MFNG: variants seen among roughly 807,000 people sequenced by gnomAD.
MFNG encodes the protein beta-1,3-N-acetylglucosaminyltransferase manic fringe.
A neutral mutation model predicts 34.2 loss-of-function variants in MFNG; 24 were observed. The ratio of observed to expected loss-of-function variants is 0.70; its 90% CI spans 0.51 to 0.99. The LOEUF is 0.99. Ranked by LOEUF, MFNG falls within the 50% of genes least tolerant of loss-of-function variation. The pLI is 0.00. For missense variants in MFNG, 383 were observed against 424.0 expected (o/e 0.90, Z 0.85); for synonymous variants, 158 against 179.2 (o/e 0.88, Z 0.94).
At position 37,469,714 on chromosome 22, in the gene MFNG, A is replaced by G. The variant is rs963202499; in HGVS notation, c.*249T>C. 2.3e-5 allele frequency: 14 copies of G among 616,152 alleles called. No individual in the cohort carries two copies. The highest frequency in any genetic ancestry group is 4.3e-5 in the Non-Finnish European group (14 of 328,682). 38.2% of individuals were successfully genotyped at this position (616,152 alleles called of 1,614,324 possible). A position where few individuals can be genotyped will look rare whatever the true frequency, so the allele number is the denominator to read the frequency against. ...CTTTTTCAATTCAGCCTCCTGAGGGAGTCTAGCCCCTGGAGCCTCTCTGGC... is the reference window on the plus strand; with the variant it reads ...CTTTTTCAATTCAGCCTCCTGAGGGGGTCTAGCCCCTGGAGCCTCTCTGGC... On this transcript the variant is annotated 3_prime_UTR_variant, in exon 8 of 8. Transcript: ENST00000356998.
chr22:37,485,037 C>T lies in MFNG; in HGVS notation c.255+886G>A, dbSNP rs1418240296. Among the ~76,000 whole-genome samples the T allele has an allele frequency of 2.0e-5, 3 of 151,940 alleles. No individual in the cohort carries two copies. The highest frequency in any genetic ancestry group is 2.9e-5 in the Non-Finnish European group (2 of 67,998). On this transcript the variant is annotated intron_variant, in intron 1 of 7. Transcript: ENST00000356998. This position sits in a 1 kb window ranked among gnomAD's most constrained non-coding sequence, Gnocchi z 5.3. The stretch of plus-strand genomic sequence containing the variant: ...CTCCCCCATCAACGGTCCCTAACAC[C>T]GACATCACTAACTTTGCTTAAGGAA...
At chr22:37,480,645 G>A in intron 2 of MFNG, 76 bp downstream of exon 2, 5 of 1,426,262 alleles carry the variant, frequency 3.5e-6, no homozygotes, top group Non-Finnish European at 4.9e-6. Context: ...GGAACCCTCA[G>A]GCCAGGGCAC....
chr22:37,472,044 A>C (rs1048124178), intron 7 of MFNG, among the ~76,000 whole-genome samples: 5 of 152,028 alleles, frequency 3.3e-5, no homozygotes, highest in Admixed American at 2.0e-4. Context: ...GTATCAAAGA[A>C]ACAAGGAGTC....
At chr22:37,476,016 T>A (rs1922021333) in intron 5 of MFNG, among the ~76,000 whole-genome samples, 1 of 152,190 alleles carries the variant, frequency 6.6e-6, no homozygotes. Context: ...TGAGTGACCT[T>A]GAACCTGGCT....
chr22:37,480,316 G>T lies in MFNG; in HGVS notation c.305-17C>A, dbSNP rs756721909. 1.2e-6 allele frequency: 2 copies of T among 1,604,318 alleles called. No individual in the cohort carries two copies. The highest frequency in any genetic ancestry group is 2.2e-5 in the East Asian group (1 of 44,764). ...GGTGGGACCCTGGAGAAGTGAGGAG[G>T]AGTCAGGGGACCCTGCCCAGGTCCC... On this transcript the variant is annotated splice_polypyrimidine_tract_variant and intron_variant, in intron 2 of 7. Transcript: ENST00000356998.
chr22:37,479,282 C>G, intron 4 of MFNG, 63 bp downstream of exon 4: 1 of 1,480,528 alleles, frequency 6.8e-7, no homozygotes, highest in Non-Finnish European at 8.9e-7. Flanking sequence ...CCCCCACCCC[C>G]AGGACCGGCC....
chr22:37,472,078 C>G (rs186431082), intron 7 of MFNG, among the ~76,000 whole-genome samples: 78 of 152,192 alleles, frequency 5.1e-4, no homozygotes, highest in Middle Eastern at 3.4e-3. Context: ...ATAAAAATCC[C>G]CCACCAGAGC....
intron 4 of MFNG, among the ~76,000 whole-genome samples, chr22:37,477,187 G>C (rs1343786939): frequency 6.6e-6 from 1 of 152,256 alleles, no homozygotes; most frequent in Non-Finnish European, 1.5e-5. Flanking sequence ...TTAATTATGA[G>C]TGGTGAGGTC....
chr22:37,480,339 C>T (rs772256380), intron 2 of MFNG, 40 bp from the exon 3 acceptor site: 11 of 1,527,112 alleles, frequency 7.2e-6, no homozygotes, highest in South Asian at 1.1e-5. Context: ...CTGCCCAGGT[C>T]CCCCCTTCAG....
chr22:37,473,956 T>C (rs376906986), intron 6 of MFNG, among the ~76,000 whole-genome samples: 1 of 152,188 alleles, frequency 6.6e-6, no homozygotes, highest in Non-Finnish European at 1.5e-5. Context: ...TGGACCTGTA[T>C]CACCTGCCAG....
Position 37,485,383 on chromosome 22 carries a change from T to C in MFNG, c.255+540A>G, listed in dbSNP as rs573181734. ...AGCAGAGACACAGCGGCAGGGGCTATCGGGAAGGCCGAAGGGATGCCTCCC... is the reference window on the plus strand; with the variant it reads ...AGCAGAGACACAGCGGCAGGGGCTACCGGGAAGGCCGAAGGGATGCCTCCC... On this transcript the variant is annotated intron_variant, in intron 1 of 7. Transcript: ENST00000356998. This position sits in a 1 kb window ranked among gnomAD's most constrained non-coding sequence, Gnocchi z 5.3. Among the ~76,000 whole-genome samples the C allele has an allele frequency of 4.6e-5, 7 of 152,278 alleles. No individual in the cohort carries two copies. The highest frequency in any genetic ancestry group is 1.2e-4 in the African/African-American group (5 of 41,564).
intron 6 of MFNG, 29 bp downstream of exon 6, chr22:37,474,482 AT>A: frequency 1.2e-6 from 2 of 1,611,374 alleles, no homozygotes; most frequent in Non-Finnish European, 1.7e-6. Context: ...TCCCCTTCCC[AT>A]TTGCCACCTG....
At position 37,469,606 on chromosome 22, in the gene MFNG, C is replaced by T. The variant is rs1396579009; in HGVS notation, c.*357G>A. 1.1e-5 allele frequency: 4 copies of T among 377,668 alleles called. No homozygotes were observed. Among genetic ancestry groups the T allele is most frequent in the East Asian group, 6.5e-5 (1 of 15,496 alleles). 23.4% of individuals were successfully genotyped at this position (377,668 alleles called of 1,614,324 possible). A position where few individuals can be genotyped will look rare whatever the true frequency, so the allele number is the denominator to read the frequency against. On this transcript the variant is annotated 3_prime_UTR_variant, in exon 8 of 8. Transcript: ENST00000356998. ...ACTGAGAGACATTAGCCAGGGCCAA[C>T]GGCCAGACCCCACCCAGAGGCCATG...
chr22:37,470,797 C>T (rs5756689), intron 7 of MFNG, among the ~76,000 whole-genome samples: 2 of 152,318 alleles, frequency 1.3e-5, no homozygotes, highest in East Asian at 3.9e-4. Context: ...GAGGCCCCTG[C>T]CACGTCCCCA....
At chr22:37,475,826 C>T (rs9610767) in intron 5 of MFNG, among the ~76,000 whole-genome samples, 11,076 of 152,258 alleles carry the variant, frequency 0.073, 418 homozygotes, top group African/African-American at 0.088. Flanking sequence ...GGTGGGGGCA[C>T]CCCAGGCACA....
intron 4 of MFNG, 47 bp from the exon 5 acceptor site, chr22:37,477,028 G>A: frequency 1.3e-6 from 2 of 1,556,326 alleles, no homozygotes; most frequent in Non-Finnish European, 1.8e-6. Context: ...GGTGGCAGTT[G>A]TGGGGAAAAG....
intron 3 of MFNG, among the ~76,000 whole-genome samples, 182 bp from the exon 4 acceptor site, chr22:37,479,680 C>T (rs1922202473): frequency 6.6e-6 from 1 of 152,114 alleles, no homozygotes; most frequent in African/African-American, 2.4e-5. Context: ...GTACCCACTT[C>T]ACAGTTGAGG....
Position 37,469,791 on chromosome 22 carries a change from C to G in MFNG, c.*172G>C. The stretch of plus-strand genomic sequence containing the variant: ...GGCTGTCTAACTCACCTCCCAGGGG[C>G]CTGGGGTGCCTTCAGTGCCAATTGC... On this transcript the variant is annotated 3_prime_UTR_variant, in exon 8 of 8. Transcript: ENST00000356998. The G allele has an allele frequency of 1.4e-6, 1 of 709,212 alleles. No individual in the cohort carries two copies. Among genetic ancestry groups the G allele is most frequent in the Non-Finnish European group, 2.6e-6 (1 of 381,382 alleles). The allele number at this position is 709,212 out of a possible 1,614,324, so 43.9% of individuals were successfully genotyped here.
At position 37,469,452 on chromosome 22, in the gene MFNG, G is replaced by A. The variant is rs1360135755; in HGVS notation, c.*511C>T. The A allele has an allele frequency of 4.3e-6, 1 of 232,374 alleles. No homozygotes were observed. The highest frequency in any genetic ancestry group is 8.8e-6 in the Non-Finnish European group (1 of 114,246). 14.4% of individuals were successfully genotyped at this position (232,374 alleles called of 1,614,324 possible). Reference sequence around the variant, plus strand: ...GGGAGCAAGGAGCTTTGGGAGACTGGTTGGCAACAACAGCAGGTGCTGCAG... The same window carrying A: ...GGGAGCAAGGAGCTTTGGGAGACTGATTGGCAACAACAGCAGGTGCTGCAG... On this transcript the variant is annotated 3_prime_UTR_variant, in exon 8 of 8. Transcript: ENST00000356998.
Sources: gnomAD v4.1 joint callset for allele counts (sites outside exome capture counted in the v4.1 genomes callset) on GRCh38, gnomAD v4.1.1 for gene constraint, Gnocchi (gnomAD v3.1) non-coding constraint, MANE v1.5 for transcripts, NCBI Gene and HGNC (gene_info 2026-07-23, HGNC 2026-07-21) for gene names.